The following SAMD12 variants were observed in gnomAD, a reference collection of about 807,000 sequenced individuals.
The protein encoded by SAMD12 is sterile alpha motif domain-containing protein 12.
SAMD12 carries 9 observed loss-of-function variants against 15.0 expected under a neutral mutation model. The observed-to-expected ratio is 0.60, with a 90% confidence interval of 0.36 to 1.05. The LOEUF is 1.05. Ranked by LOEUF, SAMD12 falls within the 50% of genes least tolerant of loss-of-function variation. The pLI is 0.01. For synonymous variants in SAMD12, 86 were observed against 90.1 expected (o/e 0.96, Z 0.25); for missense variants, 230 against 234.2 (o/e 0.98, Z 0.12).
chr8:118,197,932 C>T (rs956951459), intron 4 of SAMD12, among the ~76,000 whole-genome samples: 1 of 152,134 alleles, frequency 6.6e-6, no homozygotes, highest in Admixed American at 6.5e-5. Context: ...TACCATTTGG[C>T]AAGGCATGGA....
intron 3 of SAMD12, among the ~76,000 whole-genome samples, chr8:118,407,054 C>G (rs529451865): frequency 6.6e-6 from 1 of 151,196 alleles, no homozygotes; most frequent in East Asian, 2.0e-4. Context: ...ATCCAAGTAA[C>G]AAAAAACCAC....
chr8:118,621,410 G>T, intron 1 of SAMD12: 1 of 284,124 alleles, frequency 3.5e-6, no homozygotes, highest in Admixed American at 4.6e-5. Flanking sequence ...CCACGTGAGG[G>T]GGGCCAACCA....
chr8:118,306,400 T>G (rs1449263821), intron 4 of SAMD12, among the ~76,000 whole-genome samples: 1 of 152,178 alleles, frequency 6.6e-6, no homozygotes, highest in Non-Finnish European at 1.5e-5. Flanking sequence ...CTGGCAAAAG[T>G]GATGGAATCA....
chr8:118,253,902 A>T (rs1812873220), intron 4 of SAMD12, among the ~76,000 whole-genome samples: 1 of 152,184 alleles, frequency 6.6e-6, no homozygotes, highest in South Asian at 2.1e-4. Context: ...GAGAAATGTA[A>T]CACTTGGGCT....
intron 4 of SAMD12, among the ~76,000 whole-genome samples, chr8:118,243,943 C>G (rs1467907825): frequency 6.6e-6 from 1 of 152,110 alleles, no homozygotes; most frequent in Non-Finnish European, 1.5e-5. Flanking sequence ...TGCACAACTT[C>G]TCTTCCCTGG....
At chr8:118,451,549 C>T (rs554362871) in intron 2 of SAMD12, among the ~76,000 whole-genome samples, 6,376 of 152,172 alleles carry the variant, frequency 0.042, 333 homozygotes, top group African/African-American at 0.13. Flanking sequence ...TTGTGAAGAT[C>T]AAATCAAATA....
chr8:118,438,631 G>C (rs1319604000), intron 3 of SAMD12, among the ~76,000 whole-genome samples: 4 of 151,988 alleles, frequency 2.6e-5, no homozygotes, highest in Non-Finnish European at 5.9e-5. Flanking sequence ...ACCTGCCCCA[G>C]ATCTCACAGC....
chr8:118,151,415 A>G, the SAMD12 span, among the ~76,000 whole-genome samples: 2 of 152,128 alleles, frequency 1.3e-5, no homozygotes, highest in Non-Finnish European at 1.5e-5. Context: ...TTAACTTGTG[A>G]TGTTGTCCCA....
intron 4 of SAMD12, among the ~76,000 whole-genome samples, chr8:118,292,937 A>G (rs998969179): frequency 6.6e-6 from 1 of 150,634 alleles, no homozygotes; most frequent in African/African-American, 2.4e-5. Context: ...GCACTGGGAG[A>G]TATACCTAAT....
At chr8:118,226,107 G>A (rs1812183656) in intron 4 of SAMD12, among the ~76,000 whole-genome samples, 2 of 152,174 alleles carry the variant, frequency 1.3e-5, no homozygotes, top group South Asian at 2.1e-4. Flanking sequence ...CATACTAAGT[G>A]TTTTATATTT....
intron 4 of SAMD12, among the ~76,000 whole-genome samples, chr8:118,234,171 G>A (rs1163333104): frequency 6.6e-6 from 1 of 152,112 alleles, no homozygotes; most frequent in Non-Finnish European, 1.5e-5. Context: ...GTTTCTCGAT[G>A]TTTTTTGGTG....
intron 2 of SAMD12, among the ~76,000 whole-genome samples, chr8:118,575,509 G>T (rs533560804): frequency 6.6e-6 from 1 of 152,212 alleles, no homozygotes; most frequent in South Asian, 2.1e-4. Context: ...TGAATTTAGA[G>T]CCATTAGACA....
chr8:118,366,704 C>T (rs896127697), intron 4 of SAMD12, among the ~76,000 whole-genome samples: 1 of 151,740 alleles, frequency 6.6e-6, no homozygotes, highest in Non-Finnish European at 1.5e-5. Context: ...CCCAGATACT[C>T]AGGAGGCTGA....
intron 4 of SAMD12, among the ~76,000 whole-genome samples, chr8:118,248,868 C>T (rs1586383974): frequency 6.6e-6 from 1 of 152,212 alleles, no homozygotes; most frequent in East Asian, 1.9e-4. Flanking sequence ...TCTGTTCATG[C>T]TTAGGGACCA....
chr8:118,331,901 C>T (rs919567319), intron 4 of SAMD12, among the ~76,000 whole-genome samples: 1 of 152,058 alleles, frequency 6.6e-6, no homozygotes, highest in South Asian at 2.1e-4. Context: ...ATTGTTTGTC[C>T]TCACTATTCA....
intron 4 of SAMD12, among the ~76,000 whole-genome samples, chr8:118,256,779 T>TATACAC (rs143667355): frequency 1.4e-5 from 2 of 139,776 alleles, no homozygotes; most frequent in Non-Finnish European, 3.1e-5. Context: ...CTGCATAAGA[T>TATACAC]ACACACACAC....
intron 4 of SAMD12, among the ~76,000 whole-genome samples, chr8:118,271,090 G>GGGGTAT (rs1266429297): frequency 6.6e-6 from 1 of 152,060 alleles, no homozygotes. Flanking sequence ...AGGCTAAGAG[G>GGGGTAT]GGGTATATTA....
intron 4 of SAMD12, among the ~76,000 whole-genome samples, chr8:118,227,791 G>A (rs1812220304): frequency 6.6e-6 from 1 of 152,046 alleles, no homozygotes; most frequent in Admixed American, 6.6e-5. Context: ...AAAGCGAAGT[G>A]ACCCATGACT....
chr8:118,198,345 A>G (rs1357242349), intron 4 of SAMD12, among the ~76,000 whole-genome samples: 1 of 152,218 alleles, frequency 6.6e-6, no homozygotes, highest in African/African-American at 2.4e-5. Flanking sequence ...GAGTGCTAGT[A>G]TAAAAATATT....
Sources: allele counts gnomAD v4.1 joint callset (sites outside exome capture counted in the v4.1 genomes callset), GRCh38; gene constraint gnomAD v4.1.1; transcripts MANE v1.5; gene names NCBI Gene and HGNC (gene_info 2026-07-23, HGNC 2026-07-21).